PCDHA3: variants seen among roughly 807,000 people sequenced by gnomAD.
PCDHA3 encodes protocadherin alpha 3.
Under a neutral mutation model 62.2 loss-of-function variants are expected in PCDHA3, and 41 were observed. The observed-to-expected ratio is 0.66, with a 90% CI of 0.51 to 0.86. The LOEUF (loss-of-function observed/expected upper bound fraction) is 0.86. PCDHA3 is among the 40% of genes least tolerant of loss of function. The probability of loss-of-function intolerance (pLI) is 0.00; values close to 1 mark genes in which losing one functional copy is unlikely to be tolerated. For synonymous variants in PCDHA3, 640 were observed against 555.4 expected (o/e 1.15, Z -2.14); for missense variants, 1,304 against 1,241.2 (o/e 1.05, Z -0.76).
intron 1 of PCDHA3, chr5:140,804,325 A>G (rs954651388): frequency 3.3e-5 from 5 of 152,066 alleles, no homozygotes; most frequent in Admixed American, 2.0e-4. Flanking sequence ...TACTACTTTA[A>G]TAATACTACT....
At chr5:140,970,650 ATTG>A (rs2096422935) in intron 1 of PCDHA3, among the ~76,000 whole-genome samples, 1 of 152,200 alleles carries the variant, frequency 6.6e-6, no homozygotes, top group South Asian at 2.1e-4. Flanking sequence ...ATAGTGATGA[ATTG>A]TTATCTTTCC....
chr5:140,939,280 C>T (rs985518425), intron 1 of PCDHA3, among the ~76,000 whole-genome samples: 1 of 152,064 alleles, frequency 6.6e-6, no homozygotes, highest in Non-Finnish European at 1.5e-5. Flanking sequence ...GCTGTGCCCT[C>T]GTGATCTAAT....
chr5:140,929,511 G>T, intron 1 of PCDHA3: 1 of 781,088 alleles, frequency 1.3e-6, no homozygotes, highest in Non-Finnish European at 1.8e-6. Flanking sequence ...AGGCCTCAAG[G>T]GACTTATAGT....
chr5:140,874,772 T>C (rs2055099588), intron 1 of PCDHA3, among the ~76,000 whole-genome samples: 1 of 152,270 alleles, frequency 6.6e-6, no homozygotes, highest in South Asian at 2.1e-4. Flanking sequence ...TCCATATTTA[T>C]GATGAATTCT....
intron 1 of PCDHA3, among the ~76,000 whole-genome samples, chr5:140,915,707 T>C (rs545075490): frequency 1.3e-4 from 19 of 151,930 alleles, no homozygotes; most frequent in Non-Finnish European, 2.6e-4. Flanking sequence ...AGCACTCCTG[T>C]GGCCCCCACT....
chr5:140,869,880 T>C (rs923843539), intron 1 of PCDHA3: 12 of 1,610,162 alleles, frequency 7.5e-6, no homozygotes, highest in South Asian at 3.3e-5. Flanking sequence ...CTAAAGAAAC[T>C]CTTGTGCTCA....
chr5:141,010,025 A>G lies in PCDHA3; in HGVS notation c.*88A>G. The G allele has an allele frequency of 6.4e-7, 1 of 1,573,940 alleles. No homozygotes were observed. The highest frequency in any genetic ancestry group is 2.2e-5 in the East Asian group (1 of 44,636). ...TAGCAATTCCCTGCTCCTTTTTCCT[A>G]TCTACATGAGCCCTCTTAGAGACCT... On this transcript the variant is annotated 3_prime_UTR_variant, in exon 4 of 4. Transcript: ENST00000522353.
chr5:140,882,392 G>T (rs781850899), intron 1 of PCDHA3: 5 of 1,614,058 alleles, frequency 3.1e-6, no homozygotes, highest in Middle Eastern at 1.6e-4. Flanking sequence ...AGCAAAACAC[G>T]GCACCTTCGT....
rs1554122531 is a variant in PCDHA3, at chr5:140,803,026, A to G, written c.1829A>G (p.Glu610Gly). Reference protein sequence around the residue: ...DSGYNAWLSYELQPGTGGARI... With the variant: ...DSGYNAWLSYGLQPGTGGARI... ...GGCTACAACGCGTGGCTTTCGTATGAGCTGCAGCCTGGGACCGGCGGTGCG... is the reference window on the plus strand; with the variant it reads ...GGCTACAACGCGTGGCTTTCGTATGGGCTGCAGCCTGGGACCGGCGGTGCG... Residue 610 changes from glutamate (E) to glycine (G), a missense_variant, in exon 1 of 4, where the codon GAG (glutamate) becomes GGG (glycine). Glu to Gly is a moderately conservative substitution (Grantham distance 98, BLOSUM62 -2). Coordinates refer to ENST00000522353, the MANE Select transcript of PCDHA3 (RefSeq NM_018906.3). 3.0e-5 allele frequency: 48 copies of G among 1,613,978 alleles called. No homozygotes were observed. Among genetic ancestry groups the G allele is most frequent in the Non-Finnish European group, 3.6e-5 (43 of 1,179,926 alleles).
At chr5:140,918,324 A>G (rs782356672) in intron 1 of PCDHA3, among the ~76,000 whole-genome samples, 1 of 152,058 alleles carries the variant, frequency 6.6e-6, no homozygotes, top group Non-Finnish European at 1.5e-5. Flanking sequence ...ATAAAATTAT[A>G]TTGTCTGCTA....
chr5:140,869,040 G>A, intron 1 of PCDHA3: 23 of 1,529,286 alleles, frequency 1.5e-5, no homozygotes, highest in Non-Finnish European at 1.9e-5. Flanking sequence ...TTTTTAACCT[G>A]AAACTGAAGA....
At chr5:140,884,037 T>C (rs1260114488) in intron 1 of PCDHA3, 1 of 1,613,346 alleles carries the variant, frequency 6.2e-7, no homozygotes, top group Non-Finnish European at 8.5e-7. Flanking sequence ...GCAGGCCACG[T>C]GGTGGCGAAG....
intron 1 of PCDHA3, chr5:140,875,247 A>G (rs1427742475): frequency 2.1e-6 from 2 of 962,258 alleles, no homozygotes; most frequent in Non-Finnish European, 2.9e-6. Context: ...TTACATAATC[A>G]GTCACATGAT....
At chr5:140,829,849 T>C in intron 1 of PCDHA3, 1 of 1,613,860 alleles carries the variant, frequency 6.2e-7, no homozygotes, top group Non-Finnish European at 8.5e-7. Context: ...GGTCACTGGG[T>C]GCAGGCCAAG....
Position 140,801,410 on chromosome 5 carries a change from C to T in PCDHA3, c.213C>T (p.His71=), listed in dbSNP as rs138112183. Residue 71 remains histidine, a synonymous_variant, in exon 1 of 4, where the codon CAC becomes CAT. Coordinates refer to ENST00000522353, the MANE Select transcript of PCDHA3 (RefSeq NM_018906.3). ...TGTTCCGGGTGGCGTCCAAAAGACA[C>T]GGGGACCTTCTGGAGGTAAATCTGC... The part of the protein sequence containing the change: ...PRLFRVASKR[H]GDLLEVNLQN... 100 of 1,613,778 alleles carry T rather than the reference C, an allele frequency of 6.2e-5. No individual in the cohort carries two copies. The Middle Eastern group carries it at 7.0e-4, about 11-fold the overall frequency.
chr5:140,858,149 G>C, intron 1 of PCDHA3: 1 of 1,597,572 alleles, frequency 6.3e-7, no homozygotes, highest in Non-Finnish European at 8.6e-7. Context: ...CCTGATCATC[G>C]CCATCTGCGC....
At chr5:140,974,931 A>G (rs555720345) in intron 1 of PCDHA3, among the ~76,000 whole-genome samples, 1 of 152,324 alleles carries the variant, frequency 6.6e-6, no homozygotes, top group African/African-American at 2.4e-5. Context: ...TGTTTAAAAC[A>G]CCACCTATTT....
chr5:140,849,674 C>G (rs138948867), intron 1 of PCDHA3: 2 of 1,598,596 alleles, frequency 1.3e-6, no homozygotes, highest in African/African-American at 2.7e-5. Flanking sequence ...CGCCCCACGT[C>G]CCCTTCAAGC....
intron 1 of PCDHA3, chr5:140,809,309 T>A: frequency 6.2e-7 from 1 of 1,614,110 alleles, no homozygotes; most frequent in Non-Finnish European, 8.5e-7. Context: ...CTGCGCGGTG[T>A]CCAGCCTTTT....
Sources: allele counts gnomAD v4.1 joint callset (sites outside exome capture counted in the v4.1 genomes callset), GRCh38; gene constraint gnomAD v4.1.1; transcripts MANE v1.5; gene names NCBI Gene and HGNC (gene_info 2026-07-23, HGNC 2026-07-21).